The following COL22A1 variants were observed in gnomAD, a reference collection of about 807,000 sequenced individuals.
The protein encoded by COL22A1 is collagen alpha-1(XXII) chain.
COL22A1 carries 221 observed loss-of-function variants against 248.9 expected under a neutral mutation model. The observed-to-expected ratio is 0.89, with a 90% CI of 0.80 to 0.99. The LOEUF is 0.99. Ranked by LOEUF, COL22A1 falls within the 50% of genes least tolerant of loss-of-function variation. The pLI, the probability that COL22A1 is intolerant of heterozygous loss-of-function variation, is 0.00. For synonymous variants in COL22A1, 891 were observed against 793.4 expected (o/e 1.12, Z -2.07); for missense variants, 2,240 against 2,179.0 (o/e 1.03, Z -0.56).
intron 30 of COL22A1, among the ~76,000 whole-genome samples, chr8:138,708,709 T>G (rs1029015711): frequency 7.2e-5 from 11 of 152,156 alleles, no homozygotes; most frequent in African/African-American, 2.7e-4. Context: ...GGCAATACCA[T>G]TCAGGACACA....
intron 22 of COL22A1, among the ~76,000 whole-genome samples, chr8:138,741,578 A>G (rs976236139): frequency 3.3e-5 from 5 of 152,270 alleles, no homozygotes; most frequent in Admixed American, 6.5e-5. Flanking sequence ...ACAATAAAGC[A>G]TCCCTCAACT....
At chr8:138,694,976 A>G in intron 32 of COL22A1, 97 bp from the exon 33 acceptor site, 1 of 1,141,162 alleles carries the variant, frequency 8.8e-7, no homozygotes, top group Non-Finnish European at 1.3e-6. Flanking sequence ...GGCCACCTCC[A>G]GTCCTGTGTA....
At chr8:138,866,825 A>AG (rs35121157) in intron 3 of COL22A1, among the ~76,000 whole-genome samples, 99,677 of 152,040 alleles carry the variant, frequency 0.66, 34,859 homozygotes, top group East Asian at 0.97. Flanking sequence ...AATGGGAGGC[A>AG]GGGGAATATC....
Position 138,717,789 on chromosome 8 carries a change from G to T in COL22A1, c.2356-920C>A, listed in dbSNP as rs187682075. ...TCTCTGATCCAAGAGCATCAATCAG[G>T]CTGCTGCACTTCCCAGGTTCTTACA... On this transcript the variant is annotated intron_variant, in intron 27 of 64. Coordinates refer to ENST00000303045, the MANE Select transcript of COL22A1 (RefSeq NM_152888.3). Among the ~76,000 whole-genome samples, 36 of 152,330 alleles carry T rather than the reference G, an allele frequency of 2.4e-4. 1 individual carries two copies. In the East Asian group the frequency reaches 6.7e-3, roughly 29 times the overall value.
At chr8:138,811,963 C>T in intron 8 of COL22A1, 42 bp from the exon 9 acceptor site, 1 of 1,501,558 alleles carries the variant, frequency 6.7e-7, no homozygotes, top group African/African-American at 1.4e-5. Context: ...GCTCTTCACT[C>T]AGCAGGCACT....
At chr8:138,711,766 T>C (rs140078148) in intron 30 of COL22A1, among the ~76,000 whole-genome samples, 2,250 of 152,162 alleles carry the variant, frequency 0.015, 52 homozygotes, top group African/African-American at 0.051. Flanking sequence ...CTTGGGAGAA[T>C]GGGGCACCCT....
chr8:138,699,060 G>A (rs1043264530), intron 32 of COL22A1, among the ~76,000 whole-genome samples: 1 of 152,132 alleles, frequency 6.6e-6, no homozygotes, highest in Non-Finnish European at 1.5e-5. Context: ...GTGGTTGACA[G>A]CTCAGTGACA....
At chr8:138,762,588 G>GCACA (rs5895560) in intron 16 of COL22A1, 122 bp from the exon 17 acceptor site, 89 of 551,132 alleles carry the variant, frequency 1.6e-4, no homozygotes, top group African/African-American at 5.5e-4. Context: ...AAACGCACGT[G>GCACA]CACACACACA....
Position 138,786,883 on chromosome 8 carries a change from G to GCCTGGCAT in COL22A1, c.1597-5904_1597-5903insATGCCAGG, listed in dbSNP as rs540449765. On this transcript the variant is annotated intron_variant, in intron 12 of 64. Transcript: ENST00000303045. ...CATGCCACTGCACTCCAGCCTGGCA[G>GCCTGGCAT]CCTGGGCGACAGAGCTAGACACCAT... Among the ~76,000 whole-genome samples, 1,185 of 152,264 alleles carry GCCTGGCAT rather than the reference G, an allele frequency of 7.8e-3. 9 individuals are homozygous for GCCTGGCAT. The highest frequency in any genetic ancestry group is 0.01 in the Middle Eastern group (3 of 294).
intron 22 of COL22A1, 75 bp downstream of exon 22, chr8:138,751,383 T>A: frequency 9.7e-7 from 1 of 1,032,934 alleles, no homozygotes. Context: ...CTGTCTATCT[T>A]CTCTGCATGG....
chr8:138,744,864 G>A (rs1347293108), intron 22 of COL22A1, among the ~76,000 whole-genome samples: 1 of 152,210 alleles, frequency 6.6e-6, no homozygotes, highest in Admixed American at 6.5e-5. Context: ...AGAACCCCAT[G>A]AGATGGGTGG....
chr8:138,590,909 C>A (rs952719492), intron 64 of COL22A1, among the ~76,000 whole-genome samples: 6 of 152,192 alleles, frequency 3.9e-5, no homozygotes, highest in Non-Finnish European at 8.8e-5. Flanking sequence ...GACAGCTAAC[C>A]ACCCTACCAC....
chr8:138,878,789 C>T (rs1446522747), intron 2 of COL22A1, among the ~76,000 whole-genome samples: 6 of 152,194 alleles, frequency 3.9e-5, no homozygotes, highest in African/African-American at 7.2e-5. Flanking sequence ...GGGTGGATCA[C>T]GAGGTCAGGA....
chr8:138,733,057 A>G (rs527581354), intron 23 of COL22A1, among the ~76,000 whole-genome samples: 2 of 152,264 alleles, frequency 1.3e-5, no homozygotes, highest in South Asian at 2.1e-4. Context: ...CACTAACCCT[A>G]TGACTTCCCA....
At chr8:138,605,666 C>A (rs777044224) in intron 58 of COL22A1, among the ~76,000 whole-genome samples, 3 of 152,110 alleles carry the variant, frequency 2.0e-5, no homozygotes, top group African/African-American at 7.2e-5. Context: ...ATGTTACATG[C>A]AAGCCTCATT....
At chr8:138,887,514 G>A (rs1049299119) in intron 1 of COL22A1, among the ~76,000 whole-genome samples, 7 of 152,130 alleles carry the variant, frequency 4.6e-5, no homozygotes, top group Admixed American at 2.0e-4. Flanking sequence ...CACCACACCC[G>A]GCCAGTCTCT....
chr8:138,801,513 T>C (rs147965743), intron 11 of COL22A1, among the ~76,000 whole-genome samples: 9 of 152,286 alleles, frequency 5.9e-5, no homozygotes, highest in African/African-American at 1.4e-4. Context: ...GAACTAATTA[T>C]AATCACACAC....
intron 49 of COL22A1, among the ~76,000 whole-genome samples, chr8:138,632,854 T>A (rs1024150858): frequency 5.3e-5 from 8 of 152,152 alleles, no homozygotes; most frequent in African/African-American, 1.9e-4. Flanking sequence ...AAAGCTAATA[T>A]AACAAATCTA....
intron 3 of COL22A1, among the ~76,000 whole-genome samples, chr8:138,859,781 C>T (rs904638694): frequency 3.9e-5 from 6 of 152,222 alleles, no homozygotes; most frequent in Non-Finnish European, 7.3e-5. Context: ...GGATGGGCAT[C>T]GGTGTGGCCT....
Sources: gnomAD v4.1 joint callset for allele counts (sites outside exome capture counted in the v4.1 genomes callset) on GRCh38, gnomAD v4.1.1 for gene constraint, MANE v1.5 for transcripts, NCBI Gene and HGNC (gene_info 2026-07-23, HGNC 2026-07-21) for gene names.